Variants in PARP8 observed in about 807,000 individuals in gnomAD.
PARP8 encodes poly(ADP-ribose) polymerase family member 8.
In PARP8, 51 loss-of-function variants were observed where a neutral mutation model predicts 124.1. The observed-to-expected ratio is 0.41, with a 90% CI of 0.33 to 0.52. PARP8 has a LOEUF of 0.52. PARP8 is among the 20% of genes least tolerant of loss of function. PARP8 has a pLI of 0.21. For synonymous variants in PARP8, 391 were observed against 361.5 expected, an observed-to-expected ratio of 1.08 and a Z score of -0.93; for missense variants, 860 against 1,018.9, an observed-to-expected ratio of 0.84 and a Z score of 2.12.
At chr5:50,683,160 T>C (rs1751480339) in intron 2 of PARP8, among the ~76,000 whole-genome samples, 1 of 152,176 alleles carries the variant, frequency 6.6e-6, no homozygotes, top group South Asian at 2.1e-4. Context: ...GCCCTCTACC[T>C]AGGAAATGAT....
chr5:50,771,103 C>A (rs536124087), intron 7 of PARP8, among the ~76,000 whole-genome samples: 2,017 of 146,800 alleles, frequency 0.014, 28 homozygotes, highest in African/African-American at 0.031. Flanking sequence ...CTCTCTCTCT[C>A]TATATATATA....
chr5:50,686,514 C>T (rs1399149206), intron 2 of PARP8, among the ~76,000 whole-genome samples: 2 of 152,184 alleles, frequency 1.3e-5, no homozygotes, highest in African/African-American at 4.8e-5. Context: ...GACAGTGGCC[C>T]ACTTCTCACA....
chr5:50,730,512 C>A (rs1397087976), intron 2 of PARP8, among the ~76,000 whole-genome samples: 1 of 152,090 alleles, frequency 6.6e-6, no homozygotes. Flanking sequence ...TCGGGTTAAC[C>A]GCCTCCATGA....
chr5:50,801,233 G>A (rs1171732212), intron 14 of PARP8, among the ~76,000 whole-genome samples: 1 of 152,012 alleles, frequency 6.6e-6, no homozygotes. Context: ...CCGAGTAGCT[G>A]GGATTACAGG....
intron 25 of PARP8, among the ~76,000 whole-genome samples, chr5:50,839,768 T>A (rs1747975136): frequency 6.6e-6 from 1 of 151,760 alleles, no homozygotes; most frequent in Admixed American, 6.6e-5. Context: ...CTTAAATTAT[T>A]ACAGTTTATG....
chr5:50,755,941 C>A (rs1260969130), intron 3 of PARP8, among the ~76,000 whole-genome samples: 1 of 152,046 alleles, frequency 6.6e-6, no homozygotes, highest in East Asian at 1.9e-4. Flanking sequence ...CTCTTTGAAG[C>A]AATTATGAAT....
intron 7 of PARP8, among the ~76,000 whole-genome samples, chr5:50,772,922 C>T (rs1025593778): frequency 1.3e-5 from 2 of 152,070 alleles, no homozygotes; most frequent in African/African-American, 4.8e-5. Context: ...TGGTCTCGAA[C>T]TCCTGACCCA....
chr5:50,742,066 T>C, intron 2 of PARP8: 1 of 256,150 alleles, frequency 3.9e-6, no homozygotes. Flanking sequence ...CGCTTTGGCC[T>C]CCCAAAGTAC....
chr5:50,715,196 CA>C (rs1475663254), intron 2 of PARP8, among the ~76,000 whole-genome samples: 3 of 151,992 alleles, frequency 2.0e-5, no homozygotes, highest in African/African-American at 4.8e-5. Context: ...AACATGACCG[CA>C]GTGCAAAAGC....
chr5:50,709,922 GTATATATATATATATA>G (rs200521595), intron 2 of PARP8, among the ~76,000 whole-genome samples: 12 of 93,928 alleles, frequency 1.3e-4, no homozygotes, highest in East Asian at 3.2e-4. Flanking sequence ...TAGAAAGAGT[GTATATATATATATATA>G]TATATATATA....
chr5:50,718,777 G>C (rs1317407061), intron 2 of PARP8, among the ~76,000 whole-genome samples: 1 of 151,978 alleles, frequency 6.6e-6, no homozygotes, highest in Non-Finnish European at 1.5e-5. Flanking sequence ...GCATCAGTAA[G>C]CATGGGAGTG....
intron 3 of PARP8, 21 bp from the exon 4 acceptor site, chr5:50,759,622 C>CTTTTTTTTTTTTTTTTTT: frequency 7.5e-7 from 1 of 1,326,272 alleles, no homozygotes; most frequent in East Asian, 2.9e-5. Context: ...CTTTCATTAT[C>CTTTTTTTTTTTTTTTTTT]TTTTTTTTTT....
intron 23 of PARP8, among the ~76,000 whole-genome samples, chr5:50,833,730 G>A (rs191342550): frequency 6.6e-6 from 1 of 152,228 alleles, no homozygotes; most frequent in Admixed American, 6.5e-5. Flanking sequence ...ATTCTGTGTT[G>A]TAAGATTATT....
intron 2 of PARP8, among the ~76,000 whole-genome samples, chr5:50,742,798 A>T (rs1161197999): frequency 1.3e-5 from 2 of 152,168 alleles, no homozygotes; most frequent in Admixed American, 6.5e-5. Flanking sequence ...CCAGGAGCTG[A>T]GCATGGCAAA....
At chr5:50,727,752 A>T (rs1282164047) in intron 2 of PARP8, among the ~76,000 whole-genome samples, 4 of 152,192 alleles carry the variant, frequency 2.6e-5, no homozygotes, top group African/African-American at 7.2e-5. Flanking sequence ...TCTTTTACTC[A>T]TCCACGTATT....
At position 50,834,040 on chromosome 5, in the gene PARP8, T is replaced by C; in HGVS notation, c.2369T>C (p.Leu790Ser). Residue 790 changes from leucine (L) to serine (S), a missense_variant, in exon 24 of 26, where the codon TTA (leucine) becomes TCA (serine). Coordinates refer to ENST00000281631, the MANE Select transcript of PARP8 (RefSeq NM_024615.4). Reference sequence around the variant, plus strand: ...AGCCGTAACTTAAAATGCATAGCCTTATGTGAAGGTAAGTTGAAAGTTTTA... The same window carrying C: ...AGCCGTAACTTAAAATGCATAGCCTCATGTGAAGGTAAGTTGAAAGTTTTA... ...LQSRNLKCIA[L>S]CEVITSSDLH... is the part of the protein sequence containing the mutation. The C allele has an allele frequency of 6.2e-7, 1 of 1,611,280 alleles. No individual in the cohort carries two copies. Among genetic ancestry groups the C allele is most frequent in the Non-Finnish European group, 8.5e-7 (1 of 1,178,092 alleles).
intron 2 of PARP8, among the ~76,000 whole-genome samples, chr5:50,709,474 T>A (rs1329067157): frequency 6.6e-6 from 1 of 152,090 alleles, no homozygotes; most frequent in Non-Finnish European, 1.5e-5. Context: ...TTCCTCCAAG[T>A]GTCATTTTTT....
intron 7 of PARP8, among the ~76,000 whole-genome samples, chr5:50,774,273 C>T (rs1204181236): frequency 6.6e-6 from 1 of 152,128 alleles, no homozygotes. Flanking sequence ...GATCTCTCTT[C>T]CTTTTCCCCA....
chr5:50,838,744 T>G (rs1747855909), intron 25 of PARP8, among the ~76,000 whole-genome samples: 1 of 151,980 alleles, frequency 6.6e-6, no homozygotes. Context: ...AAACCACTGA[T>G]TAAGTGAAAT....
Sources: gnomAD v4.1 joint callset for allele counts (sites outside exome capture counted in the v4.1 genomes callset) on GRCh38, gnomAD v4.1.1 for gene constraint, MANE v1.5 for transcripts, NCBI Gene and HGNC (gene_info 2026-07-23, HGNC 2026-07-21) for gene names.